The following MAP3K11 variants were observed in gnomAD, a reference collection of about 807,000 sequenced individuals.
MAP3K11 encodes SH3 domain-containing proline-rich kinase.
A neutral mutation model predicts 84.9 loss-of-function variants in MAP3K11; 46 were observed. That is an observed-to-expected ratio of 0.54 (90% CI 0.43 to 0.69). The LOEUF (loss-of-function observed/expected upper bound fraction) is 0.69. Among genes scored for constraint, MAP3K11 ranks in the 30% least tolerant of loss-of-function variants. The probability of loss-of-function intolerance (pLI) is 0.00; values close to 1 mark genes in which losing one functional copy is unlikely to be tolerated. For synonymous variants in MAP3K11, 527 were observed against 514.7 expected (o/e 1.02, Z -0.32); for missense variants, 1,053 against 1,198.3 (o/e 0.88, Z 1.79).
intron 8 of MAP3K11, among the ~76,000 whole-genome samples, chr11:65,603,446 C>T (rs976537224): frequency 2.6e-5 from 4 of 152,266 alleles, no homozygotes; most frequent in South Asian, 2.1e-4. Context: ...TTGCTATCAG[C>T]GTAGCTGAGT....
intron 9 of MAP3K11, 135 bp downstream of exon 9, chr11:65,599,259 C>G (rs1264902631): frequency 3.6e-6 from 4 of 1,114,198 alleles, no homozygotes; most frequent in Non-Finnish European, 4.8e-6. Flanking sequence ...TTCAGTACCC[C>G]GAATGCCTGG....
At position 65,599,528 on chromosome 11, in the gene MAP3K11, G is replaced by A. The variant is rs1266210797; in HGVS notation, c.2072C>T (p.Pro691Leu). ...CGAGAAGCAGATGAGCGGGGAAGGG[G>A]GCGGCTCGGTCGGGCAGGGCGCGGG... is the stretch of plus-strand genomic sequence containing the variant. ...PTPAPCPTEP[P>L]PSPLICFSLK... Residue 691 changes from proline (P) to leucine (L), a missense_variant, in exon 9 of 10, where the codon CCC (proline) becomes CTC (leucine). Physicochemically the swap from Pro to Leu is moderately conservative, Grantham distance 98. Around this residue, in one of 3 missense-constraint regions of MAP3K11, gnomAD observed 583 missense variants for 566.6 expected, o/e 1.03. Coordinates refer to ENST00000309100, the MANE Select transcript of MAP3K11 (RefSeq NM_002419.4). 2 of 1,493,060 alleles carry A rather than the reference G, an allele frequency of 1.3e-6. No homozygotes were observed. Among genetic ancestry groups the A allele is most frequent in the Non-Finnish European group, 8.9e-7 (1 of 1,127,448 alleles). The allele number at this position is 1,493,060 out of a possible 1,614,324, so 92.5% of individuals were successfully genotyped here. A position where few individuals can be genotyped will look rare whatever the true frequency, so the allele number is the denominator to read the frequency against.
At position 65,599,578 on chromosome 11, in the gene MAP3K11, G is replaced by A. The variant is rs755204322; in HGVS notation, c.2022C>T (p.Ser674=). The change falls in exon 9 of 10, where the codon TCC becomes TCT. Residue 674 remains serine (S), a synonymous_variant. Transcript: ENST00000309100. ...GCGTTGGCGTGGGGGGTGTTGTCGGGGACTCCCCGCGCTCGCGTCCTGGGC... is the reference window on the plus strand; with the variant it reads ...GCGTTGGCGTGGGGGGTGTTGTCGGAGACTCCCCGCGCTCGCGTCCTGGGC... ...PGGPGRERGE[S]PTTPPTPTPA... 16 of 1,510,516 alleles carry A rather than the reference G, an allele frequency of 1.1e-5. No individual in the cohort carries two copies. The East Asian group carries it at 3.5e-4, about 33-fold the overall frequency. 93.6% of individuals were successfully genotyped at this position (1,510,516 alleles called of 1,614,324 possible). A position where few individuals can be genotyped will look rare whatever the true frequency, so the allele number is the denominator to read the frequency against.
Position 65,606,019 on chromosome 11 carries a change from T to C in MAP3K11, c.1666A>G (p.Ser556Gly). The change falls in exon 7 of 10, where the codon AGC becomes GGC. Residue 556 changes from serine to glycine, a missense_variant. By Grantham distance (56) the Ser-to-Gly change is moderately conservative. Transcript: ENST00000309100. ...CAGCATGCTCGCCGCTCTCCATTGC[T>C]TGAGTCCTCCAGACGTCGGGGGGAC... ...RQSPRRLEDSSNGERRACWAW... is the reference protein window; with the variant it reads ...RQSPRRLEDSGNGERRACWAW... 12 of 1,601,020 alleles carry C rather than the reference T, an allele frequency of 7.5e-6. No individual in the cohort carries two copies. Among genetic ancestry groups the C allele is most frequent in the Non-Finnish European group, 1.0e-5 (12 of 1,174,360 alleles).
chr11:65,613,430 G>A lies in MAP3K11; in HGVS notation c.327C>T (p.Cys109=), dbSNP rs749472889. 2.5e-6 allele frequency: 4 copies of A among 1,612,168 alleles called. No homozygotes were observed. Among genetic ancestry groups the A allele is most frequent in the African/African-American group, 1.3e-5 (1 of 74,908 alleles). ...GCAGCTCCTGGAAGCTGGCCACCTC[G>A]CAGGGGGGCGGGCCGCCACCCCGAG... ...YVSRGGGPPP[C]EVASFQELRL... Residue 109 remains cysteine (C), a synonymous_variant, in exon 1 of 10, where the codon TGC becomes TGT. Transcript: ENST00000309100.
chr11:65,606,821 G>C lies in MAP3K11; in HGVS notation c.1490-17C>G. On this transcript the variant is annotated splice_polypyrimidine_tract_variant and intron_variant, in intron 5 of 9. Transcript: ENST00000309100. The stretch of plus-strand genomic sequence containing the variant: ...GCTTGAAGTCTGGGATTTGGGTTGG[G>C]GGGAGCAGGGTTCAGGTTTGTGATG... The C allele has an allele frequency of 6.5e-7, 1 of 1,542,654 alleles. No individual in the cohort carries two copies. The highest frequency in any genetic ancestry group is 8.9e-7 in the Non-Finnish European group (1 of 1,120,364).
At chr11:65,607,219 C>T in intron 5 of MAP3K11, 51 bp downstream of exon 5, 1 of 1,438,420 alleles carries the variant, frequency 7.0e-7, no homozygotes, top group Non-Finnish European at 9.0e-7. Context: ...CCTGGCTCCA[C>T]CCCCACCCCC....
intron 8 of MAP3K11, among the ~76,000 whole-genome samples, chr11:65,601,635 A>G (rs964611900): frequency 6.6e-6 from 1 of 151,808 alleles, no homozygotes; most frequent in African/African-American, 2.4e-5. Flanking sequence ...GGGCGCCTGT[A>G]GTCCCAGATA....
chr11:65,604,118 G>A (rs1854482576), intron 8 of MAP3K11, among the ~76,000 whole-genome samples: 1 of 152,272 alleles, frequency 6.6e-6, no homozygotes, highest in Admixed American at 6.5e-5. Context: ...GAATTACTTA[G>A]AAGTTTGTCA....
intron 8 of MAP3K11, 65 bp from the exon 9 acceptor site, chr11:65,599,833 C>T (rs924567837): frequency 6.5e-6 from 10 of 1,540,032 alleles, no homozygotes; most frequent in Non-Finnish European, 8.7e-6. Context: ...GGCCCAAGAC[C>T]TCTCCGTGGT....
intron 8 of MAP3K11, 132 bp from the exon 9 acceptor site, chr11:65,599,900 C>A: frequency 1.1e-6 from 1 of 927,700 alleles, no homozygotes. Flanking sequence ...TCCCACAGGT[C>A]CCATGGCCTC....
In MAP3K11 at chr11:65,613,324, C is replaced by T; in HGVS notation, c.433G>A (p.Ala145Thr). Residue 145 changes from alanine to threonine, a missense_variant, in exon 1 of 10, where the codon GCA becomes ACA. This residue lies in a region of MAP3K11 where 310 missense variants were observed against 464.5 expected (regional missense o/e 0.67). Coordinates refer to ENST00000309100, the MANE Select transcript of MAP3K11 (RefSeq NM_002419.4). The stretch of plus-strand genomic sequence containing the variant: ...TCCTCATCGGGGTCCTGGCGAGCTG[C>T]CTTCACAGCCACCAGCTCACCTCGC... ...SWRGELVAVKAARQDPDEDIS... is the reference protein window; with the variant it reads ...SWRGELVAVKTARQDPDEDIS... 6.2e-7 allele frequency: 1 copy of T among 1,613,182 alleles called. No individual in the cohort carries two copies.
rs748237554 is a variant in MAP3K11, at chr11:65,605,798, G to A, written c.1794C>T (p.Ser598=). The part of the protein sequence containing the change: ...ATWYLDSDDS[S]PLGSPSTPPA... ...GGGGTGTGGAAGGAGATCCTAAGGG[G>A]GATGAGTCATCTGAATCCAGGTACC... The change falls in exon 8 of 10, where the codon TCC becomes TCT. Residue 598 remains serine (S), a synonymous_variant. Coordinates refer to ENST00000309100, the MANE Select transcript of MAP3K11 (RefSeq NM_002419.4). 3 of 1,612,686 alleles carry A rather than the reference G, an allele frequency of 1.9e-6. No individual in the cohort carries two copies.
In MAP3K11 at chr11:65,607,286, A is replaced by T. The variant is rs1018676218; in HGVS notation, c.1473T>A (p.Arg491=). Residue 491 remains arginine (R), a synonymous_variant, in exon 5 of 10, where the codon CGT becomes CGA. Coordinates refer to ENST00000309100, the MANE Select transcript of MAP3K11 (RefSeq NM_002419.4). The part of the protein sequence containing the change: ...SKLRARDGGE[R]ISMPLDFKHR... The stretch of plus-strand genomic sequence containing the variant: ...GGCCCTCACCGAGTGGCATGCTGAT[A>T]CGCTCGCCGCCGTCGCGCGCCCGGA... The T allele has an allele frequency of 4.6e-6, 7 of 1,520,262 alleles. No individual in the cohort carries two copies. Among genetic ancestry groups the T allele is most frequent in the Non-Finnish European group, 6.1e-6 (7 of 1,143,290 alleles). 94.2% of individuals were successfully genotyped at this position (1,520,262 alleles called of 1,614,324 possible).
chr11:65,613,325 C>T lies in MAP3K11; in HGVS notation c.432G>A (p.Lys144=). 6.2e-7 allele frequency: 1 copy of T among 1,613,200 alleles called. No homozygotes were observed. The highest frequency in any genetic ancestry group is 8.5e-7 in the Non-Finnish European group (1 of 1,179,982). Reference sequence around the variant, plus strand: ...CCTCATCGGGGTCCTGGCGAGCTGCCTTCACAGCCACCAGCTCACCTCGCC... The same window carrying T: ...CCTCATCGGGGTCCTGGCGAGCTGCTTTCACAGCCACCAGCTCACCTCGCC... ...GSWRGELVAV[K]AARQDPDEDI... Residue 144 remains lysine (K), a synonymous_variant, in exon 1 of 10, where the codon AAG becomes AAA. Transcript: ENST00000309100.
Position 65,599,724 on chromosome 11 carries a change from G to A in MAP3K11, c.1876C>T (p.Pro626Ser), listed in dbSNP as rs573026581. 1.3e-6 allele frequency: 2 copies of A among 1,588,514 alleles called. No individual in the cohort carries two copies. Among genetic ancestry groups the A allele is most frequent in the Admixed American group, 1.7e-5 (1 of 58,102 alleles). Residue 626 changes from proline to serine, a missense_variant, in exon 9 of 10, where the codon CCT becomes TCT. Transcript: ENST00000309100. ...PSLEPEEPKR[P>S]VPAERGSSSG... The stretch of plus-strand genomic sequence containing the variant: ...CTGCTACCGCGCTCTGCGGGGACAG[G>A]CCTCTTGGGCTCCTCGGGCTCCAGG...
intron 5 of MAP3K11, 78 bp downstream of exon 5, chr11:65,607,192 C>T (rs536622736): frequency 8.3e-5 from 116 of 1,395,760 alleles, no homozygotes; most frequent in East Asian, 8.2e-4. Context: ...CCAATCCCAG[C>T]GCGGTGAGCA....
At chr11:65,601,148 C>T (rs960365483) in intron 8 of MAP3K11, among the ~76,000 whole-genome samples, 13 of 152,320 alleles carry the variant, frequency 8.5e-5, no homozygotes, top group Admixed American at 3.3e-4. Flanking sequence ...TGAGACTCCT[C>T]GGCTCTCAAC....
rs144595056 is a variant in MAP3K11, at chr11:65,599,525, G to C, written c.2075C>G (p.Pro692Arg). The C allele has an allele frequency of 7.5e-4, 1,114 of 1,494,060 alleles. 14 individuals are homozygous for C. The African/African-American group carries it at 0.014, about 18-fold the overall frequency. 92.6% of individuals were successfully genotyped at this position (1,494,060 alleles called of 1,614,324 possible). A position where few individuals can be genotyped will look rare whatever the true frequency, so the allele number is the denominator to read the frequency against. The change falls in exon 9 of 10, where the codon CCT becomes CGT. Residue 692 changes from proline to arginine, a missense_variant. Around this residue, in one of 3 missense-constraint regions of MAP3K11, gnomAD observed 583 missense variants for 566.6 expected, o/e 1.03. Transcript: ENST00000309100. ...GAGCGAGAAGCAGATGAGCGGGGAA[G>C]GGGGCGGCTCGGTCGGGCAGGGCGC... is the stretch of plus-strand genomic sequence containing the variant. The part of the protein sequence containing the change: ...TPAPCPTEPP[P>R]SPLICFSLKT...
Sources: allele counts gnomAD v4.1 joint callset (sites outside exome capture counted in the v4.1 genomes callset), GRCh38; gene constraint gnomAD v4.1.1; regional missense constraint gnomAD v4.1.1; transcripts MANE v1.5; gene names NCBI Gene and HGNC (gene_info 2026-07-23, HGNC 2026-07-21).